Variants in ATXN10 observed in about 807,000 individuals in gnomAD.
ATXN10 encodes ataxin-10.
In ATXN10, 28 loss-of-function variants were observed where a neutral mutation model predicts 52.9. The observed-to-expected ratio is 0.53, with a 90% CI of 0.39 to 0.73. ATXN10 has a LOEUF of 0.73. Among genes scored for constraint, ATXN10 ranks in the 30% least tolerant of loss-of-function variants. The pLI, the probability that ATXN10 is intolerant of heterozygous loss-of-function variation, is 0.00. For synonymous variants in ATXN10, 226 were observed against 221.5 expected, an observed-to-expected ratio of 1.02 and a Z score of -0.18; for missense variants, 565 against 577.0, an observed-to-expected ratio of 0.98 and a Z score of 0.21.
intron 7 of ATXN10, 86 bp downstream of exon 7, chr22:45,729,676 T>C (rs1925012161): frequency 7.2e-7 from 1 of 1,383,652 alleles, no homozygotes; most frequent in African/African-American, 1.4e-5. Flanking sequence ...GAATTCTTTT[T>C]TAAAAGCTTT....
At chr22:45,830,275 G>A (rs1239110627) in intron 10 of ATXN10, among the ~76,000 whole-genome samples, 2 of 152,194 alleles carry the variant, frequency 1.3e-5, no homozygotes, top group Non-Finnish European at 2.9e-5. Flanking sequence ...AGCTTCACAT[G>A]ACATTGGATT....
chr22:45,740,729 CACACACACACGTGTGTGTGTGTGTGTAT>C, intron 9 of ATXN10, 191 bp downstream of exon 9: 1 of 353,838 alleles, frequency 2.8e-6, no homozygotes. Flanking sequence ...CATATATATA[CACACACACACGTGTGTGTGTGTGTGTAT>C]ATATATATAT....
At chr22:45,682,683 T>C (rs572487380) in intron 1 of ATXN10, among the ~76,000 whole-genome samples, 1 of 152,356 alleles carries the variant, frequency 6.6e-6, no homozygotes, top group Admixed American at 6.5e-5. Context: ...GTATTTCTAC[T>C]GATCCTCTCA....
At chr22:45,724,847 G>A (rs1302501154) in intron 6 of ATXN10, among the ~76,000 whole-genome samples, 5 of 152,146 alleles carry the variant, frequency 3.3e-5, no homozygotes, top group Admixed American at 2.6e-4. Flanking sequence ...TATGGTGAGA[G>A]ATCTAGTTTC....
chr22:45,703,714 A>G (rs1490484902), intron 5 of ATXN10, among the ~76,000 whole-genome samples: 1 of 152,228 alleles, frequency 6.6e-6, no homozygotes, highest in African/African-American at 2.4e-5. Flanking sequence ...GACACCACAA[A>G]GACCTGGATG....
rs1928568307 is a variant in ATXN10 at position 45,819,204 on chromosome 22, AT to A, written c.1237+12183del. 3.2e-5 allele frequency among the ~76,000 whole-genome samples: 1 copy of A among 30,874 alleles called. No individual in the cohort carries two copies. Among genetic ancestry groups the A allele is most frequent in the Non-Finnish European group, 7.5e-5 (1 of 13,380 alleles). 20.3% of individuals were successfully genotyped at this position (30,874 alleles called of 152,430 possible). A position where few individuals can be genotyped will look rare whatever the true frequency, so the allele number is the denominator to read the frequency against. On this transcript the variant is annotated intron_variant, in intron 10 of 11. Transcript: ENST00000252934. The surrounding 1 kb of genome is among the most constrained non-coding windows in gnomAD (Gnocchi z 4.5). The stretch of plus-strand genomic sequence containing the variant: ...AGAATAGAATAGAAAATAGAATAGA[AT>A]AGAATAGAATAGAATAGAATAGAAT...
chr22:45,821,808 C>A (rs1928658873), intron 10 of ATXN10, among the ~76,000 whole-genome samples: 1 of 152,106 alleles, frequency 6.6e-6, no homozygotes, highest in Admixed American at 6.5e-5. Flanking sequence ...TTTTTTAAAA[C>A]TTCTTGTTTT....
rs112927940 is a variant in ATXN10 at position 45,696,367 on chromosome 22, G to C, written c.391+3289G>C. 1.9e-3 allele frequency among the ~76,000 whole-genome samples: 282 copies of C among 152,308 alleles called. 1 individual carries two copies. The highest frequency in any genetic ancestry group is 6.1e-3 in the African/African-American group (252 of 41,560). ...TTATAATTGGTGATCCTGATGGGGC[G>C]GGCAGTGTGGCGCTCCAGAGCTGCT... is the stretch of plus-strand genomic sequence containing the variant. On this transcript the variant is annotated intron_variant, in intron 3 of 11. Transcript: ENST00000252934. This position sits in a 1 kb window ranked among gnomAD's most constrained non-coding sequence, Gnocchi z 4.7.
Position 45,775,910 on chromosome 22 carries a change from C to T in ATXN10, c.1174-31049C>T, listed in dbSNP as rs766687529. On this transcript the variant is annotated intron_variant, in intron 9 of 11. Coordinates refer to ENST00000252934, the MANE Select transcript of ATXN10 (RefSeq NM_013236.4). This position sits in a 1 kb window ranked among gnomAD's most constrained non-coding sequence, Gnocchi z 4.7. Reference sequence around the variant, plus strand: ...TGCTGGTGTTTGAAACCTGGAGCTCCCGGAGATTAAGTGGAGCCACCATGG... The same window carrying T: ...TGCTGGTGTTTGAAACCTGGAGCTCTCGGAGATTAAGTGGAGCCACCATGG... Among the ~76,000 whole-genome samples, 2 of 152,126 alleles carry T rather than the reference C, an allele frequency of 1.3e-5. No homozygotes were observed. The highest frequency in any genetic ancestry group is 2.9e-5 in the Non-Finnish European group (2 of 68,024).
At position 45,807,038 on chromosome 22, in the gene ATXN10, A is replaced by G. The variant is rs2146884723; in HGVS notation, c.1237+16A>G. The G allele has an allele frequency of 6.2e-7, 1 of 1,611,434 alleles. No homozygotes were observed. Among genetic ancestry groups the G allele is most frequent in the Non-Finnish European group, 8.5e-7 (1 of 1,177,504 alleles). On this transcript the variant is annotated intron_variant, in intron 10 of 11. Transcript: ENST00000252934. ...AGTAACCCCTGTATCCTTGCATGTG[A>G]ATTACCATGCACAAGTTTACAGCCG...
chr22:45,704,985 G>A (rs899250478), intron 5 of ATXN10, among the ~76,000 whole-genome samples: 1 of 152,132 alleles, frequency 6.6e-6, no homozygotes, highest in Non-Finnish European at 1.5e-5. Flanking sequence ...TATTATGAAA[G>A]TCTATTTTAT....
At chr22:45,799,117 G>T (rs932977631) in intron 9 of ATXN10, among the ~76,000 whole-genome samples, 1 of 149,276 alleles carries the variant, frequency 6.7e-6, no homozygotes, top group Non-Finnish European at 1.5e-5. Context: ...TTTCACTCTT[G>T]TTACTCAGGC....
intron 9 of ATXN10, among the ~76,000 whole-genome samples, chr22:45,800,224 T>C (rs1038211811): frequency 6.6e-6 from 1 of 152,008 alleles, no homozygotes; most frequent in Non-Finnish European, 1.5e-5. Flanking sequence ...GCAATACATA[T>C]ATCCGACACA....
At chr22:45,731,277 C>A (rs1925079132) in intron 7 of ATXN10, among the ~76,000 whole-genome samples, 1 of 152,188 alleles carries the variant, frequency 6.6e-6, no homozygotes, top group African/African-American at 2.4e-5. Context: ...GATTCTGTAG[C>A]AGGCCAGATA....
intron 9 of ATXN10, among the ~76,000 whole-genome samples, chr22:45,756,651 A>G (rs1266566895): frequency 1.3e-5 from 2 of 152,212 alleles, no homozygotes; most frequent in African/African-American, 2.4e-5. Context: ...ACTGCCCTTC[A>G]GAGTTTACTG....
chr22:45,748,154 G>A (rs994277966), intron 9 of ATXN10, among the ~76,000 whole-genome samples: 2 of 151,972 alleles, frequency 1.3e-5, no homozygotes, highest in Admixed American at 1.3e-4. Context: ...ACTCTAGCCT[G>A]GGCAACAGAG....
intron 1 of ATXN10, 147 bp from the exon 2 acceptor site, chr22:45,689,565 T>TCGGTGGTCGCCGTATCA: frequency 3.7e-6 from 2 of 533,436 alleles, no homozygotes; most frequent in Non-Finnish European, 6.6e-6. Context: ...TGTGTAGATC[T>TCGGTGGTCGCCGTATCA]TTTATTTGGT....
At chr22:45,726,143 G>A (rs536782810) in intron 6 of ATXN10, among the ~76,000 whole-genome samples, 1 of 152,238 alleles carries the variant, frequency 6.6e-6, no homozygotes, top group South Asian at 2.1e-4. Flanking sequence ...ACTGCTTTTG[G>A]TATCAGAGTG....
At position 45,841,329 on chromosome 22, in the gene ATXN10, G is replaced by A. The variant is rs1447525642; in HGVS notation, c.1238-1662G>A. ...CTGACAGTCCTTTTCTCTGCCATCT[G>A]GAAAAGGTCAGTCATTTATACCCAC... is the stretch of plus-strand genomic sequence containing the variant. On this transcript the variant is annotated intron_variant, in intron 10 of 11. Transcript: ENST00000252934. This position sits in a 1 kb window ranked among gnomAD's most constrained non-coding sequence, Gnocchi z 5.1. Among the ~76,000 whole-genome samples the A allele has an allele frequency of 6.6e-6, 1 of 152,216 alleles. No homozygotes were observed. Among genetic ancestry groups the A allele is most frequent in the African/African-American group, 2.4e-5 (1 of 41,450 alleles).
Sources: allele counts gnomAD v4.1 joint callset (sites outside exome capture counted in the v4.1 genomes callset), GRCh38; gene constraint gnomAD v4.1.1; non-coding constraint Gnocchi (gnomAD v3.1); transcripts MANE v1.5; gene names NCBI Gene and HGNC (gene_info 2026-07-23, HGNC 2026-07-21).